Variants in CACNA2D3 observed in about 807,000 individuals in gnomAD.
CACNA2D3 encodes voltage-dependent calcium channel subunit alpha-2/delta-3.
A neutral mutation model predicts 160.6 loss-of-function variants in CACNA2D3; 60 were observed. The ratio of observed to expected loss-of-function variants is 0.37; its 90% CI spans 0.30 to 0.46. The LOEUF is 0.46. Ranked by LOEUF, CACNA2D3 falls within the 20% of genes least tolerant of loss-of-function variation. The pLI is 1.00. For missense variants in CACNA2D3, 1,205 were observed against 1,365.0 expected (o/e 0.88, Z 1.85); for synonymous variants, 558 against 492.9 (o/e 1.13, Z -1.75).
intron 2 of CACNA2D3, among the ~76,000 whole-genome samples, chr3:54,311,086 C>A (rs1347501903): frequency 6.6e-6 from 1 of 152,120 alleles, no homozygotes. Context: ...CTAAGCCAAG[C>A]GGGATGCTGC....
At chr3:54,286,777 A>G (rs1703039716) in intron 2 of CACNA2D3, among the ~76,000 whole-genome samples, 1 of 152,200 alleles carries the variant, frequency 6.6e-6, no homozygotes, top group African/African-American at 2.4e-5. Context: ...AATATTCAAC[A>G]TTCTTAAAGA....
At chr3:54,918,755 C>T (rs765585907) in intron 27 of CACNA2D3, 35 of 1,614,112 alleles carry the variant, frequency 2.2e-5, no homozygotes, top group Admixed American at 8.3e-5. Context: ...TGGGCAGAGC[C>T]GGGCCACTGA....
chr3:54,809,785 C>T lies in CACNA2D3; in HGVS notation c.1381-7068C>T, dbSNP rs533522046. Among the ~76,000 whole-genome samples the T allele has an allele frequency of 2.3e-4, 35 of 151,106 alleles. No homozygotes were observed. In the Middle Eastern group the frequency reaches 0.014, roughly 59 times the overall value. On this transcript the variant is annotated intron_variant, in intron 13 of 37. Transcript: ENST00000474759. ...CTTTTTTTCTTTCTTTCCCATTTCC[C>T]TCTTTCCCTCCTTCCTTCTTTTCAA...
chr3:54,357,094 A>C (rs1698661684), intron 3 of CACNA2D3, among the ~76,000 whole-genome samples: 1 of 152,054 alleles, frequency 6.6e-6, no homozygotes, highest in Non-Finnish European at 1.5e-5. Flanking sequence ...TCTTGGTGTG[A>C]TGTGATCAAG....
chr3:54,898,259 G>A (rs4955905), intron 26 of CACNA2D3, among the ~76,000 whole-genome samples: 21 of 138,112 alleles, frequency 1.5e-4, no homozygotes, highest in Middle Eastern at 3.7e-3. Flanking sequence ...GTCTTGCTCC[G>A]TCACCCAGGT....
At position 54,908,386 on chromosome 3, in the gene CACNA2D3, T is replaced by C. The variant is rs549918129; in HGVS notation, c.2449+8518T>C. On this transcript the variant is annotated intron_variant, in intron 27 of 37. Coordinates refer to ENST00000474759, the MANE Select transcript of CACNA2D3 (RefSeq NM_018398.3). ...ATTAAATTAGGTTGTCTTCATATTGTTGAGCTGTAAGAGTTGTTCATATAT... is the reference window on the plus strand; with the variant it reads ...ATTAAATTAGGTTGTCTTCATATTGCTGAGCTGTAAGAGTTGTTCATATAT... Among the ~76,000 whole-genome samples, 10 of 152,318 alleles carry C rather than the reference T, an allele frequency of 6.6e-5. 1 individual carries two copies. Among genetic ancestry groups the C allele is most frequent in the African/African-American group, 2.4e-4 (10 of 41,572 alleles).
At chr3:54,984,424 G>A (rs954705206) in intron 29 of CACNA2D3, among the ~76,000 whole-genome samples, 184 bp from the exon 30 acceptor site, 2 of 152,024 alleles carry the variant, frequency 1.3e-5, no homozygotes, top group South Asian at 2.1e-4. Flanking sequence ...AGTAAACACC[G>A]GGGTTATCTT....
chr3:54,783,196 A>G (rs1436525157), intron 13 of CACNA2D3, among the ~76,000 whole-genome samples: 3 of 152,082 alleles, frequency 2.0e-5, no homozygotes, highest in Non-Finnish European at 2.9e-5. Flanking sequence ...GGAACTGCCA[A>G]AGTCTTTAGA....
chr3:54,607,992 A>G (rs1331738263), intron 9 of CACNA2D3, among the ~76,000 whole-genome samples: 1 of 118,698 alleles, frequency 8.4e-6, no homozygotes. Context: ...AGTGGTTTCC[A>G]GGGACTAGGA....
At chr3:54,544,752 G>A (rs936659166) in intron 5 of CACNA2D3, among the ~76,000 whole-genome samples, 4 of 152,032 alleles carry the variant, frequency 2.6e-5, no homozygotes, top group Non-Finnish European at 5.9e-5. Context: ...CATCATGGAC[G>A]GTCCTTGCTT....
intron 21 of CACNA2D3, 79 bp from the exon 22 acceptor site, chr3:54,885,202 C>G (rs1286097614): frequency 1.3e-6 from 2 of 1,502,032 alleles, no homozygotes; most frequent in Non-Finnish European, 1.9e-6. Context: ...CCCCGCAGCC[C>G]TACCCTAGAA....
intron 2 of CACNA2D3, among the ~76,000 whole-genome samples, chr3:54,245,583 A>T (rs781567061): frequency 6.6e-6 from 1 of 152,170 alleles, no homozygotes; most frequent in Non-Finnish European, 1.5e-5. Flanking sequence ...CCTTGGGCTA[A>T]AGCATGGGTT....
chr3:54,275,465 TATAA>T (rs10539379), intron 2 of CACNA2D3, among the ~76,000 whole-genome samples: 32,159 of 152,032 alleles, frequency 0.21, 3,608 homozygotes, highest in East Asian at 0.42. Context: ...GCTATCAAAA[TATAA>T]AAAACCCAGA....
intron 2 of CACNA2D3, among the ~76,000 whole-genome samples, chr3:54,146,701 G>T (rs954356676): frequency 2.0e-5 from 3 of 152,224 alleles, no homozygotes; most frequent in South Asian, 2.1e-4. Context: ...TTTCTGAGCC[G>T]CATGTGCACA....
chr3:54,951,084 A>T (rs1314534083), intron 27 of CACNA2D3, among the ~76,000 whole-genome samples: 1 of 152,238 alleles, frequency 6.6e-6, no homozygotes, highest in Admixed American at 6.5e-5. Context: ...TGCCAAAAAA[A>T]TCTACAGAAC....
At chr3:54,611,055 A>G (rs1031285506) in intron 9 of CACNA2D3, among the ~76,000 whole-genome samples, 2 of 152,226 alleles carry the variant, frequency 1.3e-5, no homozygotes, top group African/African-American at 4.8e-5. Context: ...CCAGGAAAGA[A>G]TGTGTCAGTG....
intron 25 of CACNA2D3, 133 bp from the exon 26 acceptor site, chr3:54,896,616 C>G (rs944486218): frequency 1.3e-5 from 13 of 1,019,350 alleles, no homozygotes; most frequent in African/African-American, 3.1e-5. Flanking sequence ...GAGGCCCCCT[C>G]TATACTGAGA....
chr3:54,675,690 C>T (rs1700232247), intron 11 of CACNA2D3, among the ~76,000 whole-genome samples: 1 of 152,152 alleles, frequency 6.6e-6, no homozygotes, highest in South Asian at 2.1e-4. Flanking sequence ...CTTGTAAATG[C>T]ACCTCCATAG....
At chr3:54,454,373 A>G (rs1700360715) in intron 4 of CACNA2D3, among the ~76,000 whole-genome samples, 1 of 152,142 alleles carries the variant, frequency 6.6e-6, no homozygotes, top group Non-Finnish European at 1.5e-5. Flanking sequence ...ACCCCGGTGT[A>G]GTCAGTCTCC....
Sources: allele counts gnomAD v4.1 joint callset (sites outside exome capture counted in the v4.1 genomes callset), GRCh38; gene constraint gnomAD v4.1.1; transcripts MANE v1.5; gene names NCBI Gene and HGNC (gene_info 2026-07-23, HGNC 2026-07-21).